Variants in DLG2 observed in about 807,000 individuals in gnomAD.
DLG2 encodes discs large MAGUK scaffold protein 2.
DLG2 carries 45 observed loss-of-function variants against 132.5 expected under a neutral mutation model. That is an observed-to-expected ratio of 0.34 (90% CI 0.27 to 0.44). DLG2 has a LOEUF of 0.44. Ranked by LOEUF, DLG2 falls within the 20% of genes least tolerant of loss-of-function variation. DLG2 has a pLI of 1.00. For synonymous variants in DLG2, 424 were observed against 419.6 expected (o/e 1.01, Z -0.13); for missense variants, 1,045 against 1,196.9 (o/e 0.87, Z 1.87).
Position 84,393,087 on chromosome 11 carries a change from T to G in DLG2, c.519+141483A>C, listed in dbSNP as rs1567511745. On this transcript the variant is annotated intron_variant, in intron 7 of 27. Transcript: ENST00000376104. ...AATAACGTGTGAGCTATAATGTGTATTCACTAAGAAAATGGCCTAGAAATC... is the reference window on the plus strand; with the variant it reads ...AATAACGTGTGAGCTATAATGTGTAGTCACTAAGAAAATGGCCTAGAAATC... Among the ~76,000 whole-genome samples the G allele has an allele frequency of 2.0e-5, 3 of 152,184 alleles. No homozygotes were observed. In the South Asian group the frequency reaches 6.2e-4, roughly 31 times the overall value.
intron 6 of DLG2, among the ~76,000 whole-genome samples, chr11:84,574,628 A>C (rs570592503): frequency 6.6e-6 from 1 of 152,348 alleles, no homozygotes; most frequent in African/African-American, 2.4e-5. Flanking sequence ...CATCCAGAAG[A>C]AAATTCAGGT....
chr11:84,978,603 G>T (rs967932201), intron 6 of DLG2, among the ~76,000 whole-genome samples: 4 of 152,106 alleles, frequency 2.6e-5, no homozygotes, highest in African/African-American at 9.7e-5. Context: ...GGGAAAACTG[G>T]CTAGCCATAT....
intron 21 of DLG2, among the ~76,000 whole-genome samples, chr11:83,496,636 G>T (rs2094163295): frequency 6.6e-6 from 1 of 152,106 alleles, no homozygotes; most frequent in Non-Finnish European, 1.5e-5. Flanking sequence ...TATTGATGCA[G>T]GAAACAACAT....
chr11:85,337,802 C>T (rs1170937283), intron 3 of DLG2, among the ~76,000 whole-genome samples: 4 of 152,188 alleles, frequency 2.6e-5, no homozygotes, highest in African/African-American at 9.7e-5. Context: ...TCAAATACCC[C>T]ATTGTTAAGT....
At chr11:85,396,414 A>G (rs2087377939) in intron 3 of DLG2, among the ~76,000 whole-genome samples, 1 of 152,196 alleles carries the variant, frequency 6.6e-6, no homozygotes, top group Non-Finnish European at 1.5e-5. Context: ...ACAAAACTGG[A>G]CAGAGAATGA....
At position 83,885,433 on chromosome 11, in the gene DLG2, A is replaced by T. The variant is rs549569292; in HGVS notation, c.1497-10945T>A. 2.2e-4 allele frequency among the ~76,000 whole-genome samples: 34 copies of T among 152,342 alleles called. No individual in the cohort carries two copies. In the South Asian group the frequency reaches 7.0e-3, roughly 32 times the overall value. ...AAAAGAAACGAACAAAGCCTCCAAG[A>T]AATATGGGACTATGTGAAAAGACCA... On this transcript the variant is annotated intron_variant, in intron 15 of 27. Transcript: ENST00000376104.
chr11:84,316,698 T>C, intron 7 of DLG2: 1 of 1,042,052 alleles, frequency 9.6e-7, no homozygotes, highest in Non-Finnish European at 1.4e-6. Context: ...AGGTTTTTCT[T>C]GGCCTAATAT....
chr11:84,300,231 A>T (rs1353858635), intron 7 of DLG2, among the ~76,000 whole-genome samples: 2 of 152,094 alleles, frequency 1.3e-5, no homozygotes, highest in African/African-American at 4.8e-5. Context: ...TGTCAATTTA[A>T]TGTCCATATT....
chr11:85,058,054 G>C (rs937096780), intron 6 of DLG2, among the ~76,000 whole-genome samples: 1 of 151,226 alleles, frequency 6.6e-6, no homozygotes, highest in African/African-American at 2.4e-5. Flanking sequence ...CAATACTGGA[G>C]ATTTTAGCCA....
intron 7 of DLG2, among the ~76,000 whole-genome samples, chr11:84,292,958 G>A (rs142811447): frequency 7.0e-4 from 107 of 152,252 alleles, no homozygotes; most frequent in African/African-American, 2.5e-3. Flanking sequence ...TTTTAAGAAA[G>A]TTTACAAATA....
At chr11:84,568,071 C>A (rs1423967646) in intron 6 of DLG2, among the ~76,000 whole-genome samples, 10 of 152,114 alleles carry the variant, frequency 6.6e-5, no homozygotes, top group Non-Finnish European at 1.3e-4. Flanking sequence ...TTTGGTTTTA[C>A]CTCACAGGAA....
chr11:85,129,200 T>A (rs1014991654), intron 5 of DLG2, among the ~76,000 whole-genome samples: 3 of 152,194 alleles, frequency 2.0e-5, no homozygotes, highest in African/African-American at 7.2e-5. Flanking sequence ...CTCAATCTTC[T>A]GAAAGTGGGT....
At chr11:85,350,319 G>A (rs2083186040) in intron 3 of DLG2, among the ~76,000 whole-genome samples, 1 of 152,196 alleles carries the variant, frequency 6.6e-6, no homozygotes, top group Non-Finnish European at 1.5e-5. Flanking sequence ...CCCTTTGTCA[G>A]ATGAGTAGAT....
At chr11:84,679,060 A>G (rs2099722183) in intron 6 of DLG2, among the ~76,000 whole-genome samples, 2 of 152,082 alleles carry the variant, frequency 1.3e-5, no homozygotes, top group Admixed American at 6.6e-5. Flanking sequence ...GACAACCCAC[A>G]GCAATGTATT....
intron 3 of DLG2, among the ~76,000 whole-genome samples, chr11:85,585,555 A>G (rs924463870): frequency 6.6e-6 from 1 of 152,170 alleles, no homozygotes; most frequent in Non-Finnish European, 1.5e-5. Flanking sequence ...TTGATTTGTC[A>G]TACACAGTTT....
intron 6 of DLG2, among the ~76,000 whole-genome samples, chr11:84,844,121 GTGTGTGTGTGTGTGTATATATATA>G (rs1341830148): frequency 3.4e-4 from 8 of 23,788 alleles, no homozygotes; most frequent in African/African-American, 9.8e-4. Flanking sequence ...GTGTGTGTGT[GTGTGTGTGTGTGTGTATATATATA>G]TATATATATA....
chr11:84,083,245 A>G (rs1416057191), intron 10 of DLG2, among the ~76,000 whole-genome samples: 1 of 152,166 alleles, frequency 6.6e-6, no homozygotes, highest in Non-Finnish European at 1.5e-5. Context: ...ATGCCACTGC[A>G]CTCCAGCCTG....
At chr11:83,590,346 C>A (rs960672381) in intron 19 of DLG2, among the ~76,000 whole-genome samples, 2 of 152,186 alleles carry the variant, frequency 1.3e-5, no homozygotes, top group Non-Finnish European at 2.9e-5. Context: ...TCACTCAAAA[C>A]CGCTCAACTA....
At chr11:83,655,193 T>C (rs938766533) in intron 18 of DLG2, among the ~76,000 whole-genome samples, 1 of 152,168 alleles carries the variant, frequency 6.6e-6, no homozygotes, top group Admixed American at 6.5e-5. Flanking sequence ...AAAAACATAA[T>C]CTTAACACCT....
Sources: allele counts gnomAD v4.1 joint callset (sites outside exome capture counted in the v4.1 genomes callset), GRCh38; gene constraint gnomAD v4.1.1; transcripts MANE v1.5; gene names NCBI Gene and HGNC (gene_info 2026-07-23, HGNC 2026-07-21).